The following DIP2C variants were observed in gnomAD, a reference collection of about 807,000 sequenced individuals.
DIP2C encodes DIP2 acetate--CoA ligase C (putative), also known as disco-interacting protein 2 homolog C.
In DIP2C, 33 loss-of-function variants were observed where a neutral mutation model predicts 192.4. The ratio of observed to expected loss-of-function variants is 0.17; its 90% CI spans 0.13 to 0.23. The LOEUF is 0.23. DIP2C is among the 10% of genes least tolerant of loss of function. The pLI is 1.00. For missense variants in DIP2C, 1,537 were observed against 2,110.1 expected (o/e 0.73, Z 5.32); for synonymous variants, 979 against 864.1 (o/e 1.13, Z -2.33).
intron 1 of DIP2C, among the ~76,000 whole-genome samples, chr10:684,345 G>A (rs973067791): frequency 6.6e-6 from 1 of 152,196 alleles, no homozygotes; most frequent in Non-Finnish European, 1.5e-5. Flanking sequence ...TTAGTTATCT[G>A]TGACTTTCAG....
intron 1 of DIP2C, among the ~76,000 whole-genome samples, chr10:609,815 A>G (rs1360390886): frequency 2.6e-5 from 4 of 152,228 alleles, no homozygotes; most frequent in South Asian, 2.1e-4. Context: ...GGCAATGTCC[A>G]GGGTCACTGG....
At chr10:614,387 A>G (rs1853302892) in intron 1 of DIP2C, among the ~76,000 whole-genome samples, 1 of 152,212 alleles carries the variant, frequency 6.6e-6, no homozygotes, top group Non-Finnish European at 1.5e-5. Flanking sequence ...TTGTCTGCAC[A>G]CAGTACCCAA....
intron 1 of DIP2C, among the ~76,000 whole-genome samples, chr10:549,236 C>A (rs1436568622): frequency 3.3e-5 from 5 of 152,146 alleles, no homozygotes; most frequent in Non-Finnish European, 7.3e-5. Context: ...TCCCCAGGGG[C>A]CTTTTTAGAC....
intron 4 of DIP2C, 30 bp downstream of exon 4, chr10:440,841 G>A: frequency 6.3e-7 from 1 of 1,599,230 alleles, no homozygotes; most frequent in South Asian, 1.1e-5. Flanking sequence ...GGCACATTCA[G>A]GAGGCCGTGT....
chr10:399,340 A>G, intron 9 of DIP2C, 121 bp from the exon 10 acceptor site: 1 of 688,102 alleles, frequency 1.5e-6, no homozygotes, highest in Non-Finnish European at 2.5e-6. Context: ...CCTATGTAAA[A>G]TGCATTTCAG....
chr10:484,542 G>A (rs1280365880), intron 2 of DIP2C, among the ~76,000 whole-genome samples: 2 of 152,274 alleles, frequency 1.3e-5, no homozygotes, highest in South Asian at 2.1e-4. Context: ...TGAGAAAGGG[G>A]AATTGTAAAA....
chr10:351,791 C>T (rs1958825223), intron 24 of DIP2C, among the ~76,000 whole-genome samples: 1 of 152,128 alleles, frequency 6.6e-6, no homozygotes, highest in Non-Finnish European at 1.5e-5. Context: ...TCCTTGCCAC[C>T]TGTTCACAGC....
chr10:317,398 A>C (rs1327245352), intron 31 of DIP2C, among the ~76,000 whole-genome samples: 1 of 152,250 alleles, frequency 6.6e-6, no homozygotes, highest in Non-Finnish European at 1.5e-5. Context: ...CTGTGCGGAA[A>C]GCACCATGAG....
In DIP2C at chr10:399,689, A is replaced by G. The variant is rs148440172; in HGVS notation, c.1150-470T>C. On this transcript the variant is annotated intron_variant, in intron 9 of 36. Coordinates refer to ENST00000280886, the MANE Select transcript of DIP2C (RefSeq NM_014974.3). ...GTGTTCTTCTCTGAAAAGTGAGAAT[A>G]ATGATAGAGCTGATGTCTTAATGCG... Among the ~76,000 whole-genome samples, 907 of 152,112 alleles carry G rather than the reference A, an allele frequency of 6.0e-3. 7 individuals are homozygous for G. Among genetic ancestry groups the G allele is most frequent in the Middle Eastern group, 0.014 (4 of 294 alleles).
chr10:417,622 G>T (rs371910380), intron 6 of DIP2C, among the ~76,000 whole-genome samples: 74 of 36,006 alleles, frequency 2.1e-3, no homozygotes, highest in South Asian at 0.011. Flanking sequence ...GTCTGCCTGC[G>T]CCTGTCAGGG....
At chr10:545,666 G>T (rs1048199779) in intron 1 of DIP2C, among the ~76,000 whole-genome samples, 1 of 152,290 alleles carries the variant, frequency 6.6e-6, no homozygotes, top group Admixed American at 6.5e-5. Context: ...CACAGTCTGC[G>T]GTGTCTGTTA....
Position 418,010 on chromosome 10 carries a change from G to GCT in DIP2C, c.739+1054_739+1055insAG, listed in dbSNP as rs1428198286. Reference sequence around the variant, plus strand: ...TCCCTGTCCACCTGCACCTGTCAGGGCGCGGACAGGCCTCCCTGTCCACCT... The same window carrying GCT: ...TCCCTGTCCACCTGCACCTGTCAGGGCTCGCGGACAGGCCTCCCTGTCCACCT... On this transcript the variant is annotated intron_variant, in intron 6 of 36. Transcript: ENST00000280886. Among the ~76,000 whole-genome samples, 36 of 87,422 alleles carry GCT rather than the reference G, an allele frequency of 4.1e-4. 13 individuals carry two copies. Among genetic ancestry groups the GCT allele is most frequent in the South Asian group, 9.8e-4 (2 of 2,044 alleles). 57.4% of individuals were successfully genotyped at this position (87,422 alleles called of 152,430 possible).
At chr10:680,472 C>T (rs770304766) in intron 1 of DIP2C, among the ~76,000 whole-genome samples, 3 of 152,208 alleles carry the variant, frequency 2.0e-5, no homozygotes, top group Admixed American at 6.5e-5. Context: ...CCTGACACAG[C>T]TAACCGTGTG....
chr10:377,658 C>T (rs918016083), intron 17 of DIP2C, among the ~76,000 whole-genome samples: 2 of 152,196 alleles, frequency 1.3e-5, no homozygotes, highest in Non-Finnish European at 1.5e-5. Flanking sequence ...TGGCTCAGGG[C>T]TGTGCTGACG....
intron 7 of DIP2C, among the ~76,000 whole-genome samples, chr10:414,852 T>TTGTGTG (rs748231177): frequency 0.013 from 1,323 of 98,848 alleles, 29 homozygotes; most frequent in African/African-American, 0.022. Flanking sequence ...ACATATATAT[T>TTGTGTG]TGTGTGTGTG....
intron 1 of DIP2C, among the ~76,000 whole-genome samples, chr10:555,497 C>G (rs1848802840): frequency 6.6e-6 from 1 of 152,226 alleles, no homozygotes. Context: ...GGAACCCCAG[C>G]ATGCGGGTAT....
In DIP2C at chr10:422,963, C is replaced by G; in HGVS notation, c.465G>C (p.Gln155His). Residue 155 changes from glutamine to histidine, a missense_variant, in exon 5 of 37, where the codon CAG becomes CAC. Gln to His is a conservative substitution (Grantham distance 24). This residue lies in a region of DIP2C where 473 missense variants were observed against 539.6 expected (regional missense o/e 0.88). Coordinates refer to ENST00000280886, the MANE Select transcript of DIP2C (RefSeq NM_014974.3). ...GDSQGTPTSS[Q>H]GSINMEHWIS... Reference sequence around the variant, plus strand: ...TCCAGTGCTCCATATTGATGCTGCCCTGGCTGGAGGTGGGGGTGCCCTGGG... The same window carrying G: ...TCCAGTGCTCCATATTGATGCTGCCGTGGCTGGAGGTGGGGGTGCCCTGGG... 1.2e-6 allele frequency: 2 copies of G among 1,614,216 alleles called. No individual in the cohort carries two copies. Among genetic ancestry groups the G allele is most frequent in the South Asian group, 2.2e-5 (2 of 91,088 alleles).
chr10:528,188 G>A (rs1416670763), intron 1 of DIP2C, among the ~76,000 whole-genome samples: 1 of 152,076 alleles, frequency 6.6e-6, no homozygotes, highest in African/African-American at 2.4e-5. Context: ...CAGAGTCCCT[G>A]GTCACAGCAT....
intron 1 of DIP2C, among the ~76,000 whole-genome samples, chr10:607,813 ATGTT>A (rs1446380500): frequency 4.6e-5 from 7 of 152,182 alleles, no homozygotes; most frequent in Non-Finnish European, 8.8e-5. Context: ...AATCTTCAAA[ATGTT>A]AAACTAAAAT....
Sources: gnomAD v4.1 joint callset for allele counts (sites outside exome capture counted in the v4.1 genomes callset) on GRCh38, gnomAD v4.1.1 for gene constraint, gnomAD v4.1.1 regional missense constraint, MANE v1.5 for transcripts, NCBI Gene and HGNC (gene_info 2026-07-23, HGNC 2026-07-21) for gene names.